CDH12: variants seen among roughly 807,000 people sequenced by gnomAD.
The protein encoded by CDH12 is cadherin-12.
Under a neutral mutation model 74.1 loss-of-function variants are expected in CDH12, and 41 were observed. The observed-to-expected ratio is 0.55, with a 90% CI of 0.43 to 0.72. CDH12 has a LOEUF of 0.72. Among genes scored for constraint, CDH12 ranks in the 30% least tolerant of loss-of-function variants. The pLI, the probability that CDH12 is intolerant of heterozygous loss-of-function variation, is 0.00. For synonymous variants in CDH12, 399 were observed against 355.0 expected, an observed-to-expected ratio of 1.12 and a Z score of -1.39; for missense variants, 945 against 977.2, an observed-to-expected ratio of 0.97 and a Z score of 0.44.
In CDH12 at chr5:21,883,533, G is replaced by A. The variant is rs553072982; in HGVS notation, c.527-28743C>T. On this transcript the variant is annotated intron_variant, in intron 6 of 14. Coordinates refer to ENST00000382254, the MANE Select transcript of CDH12 (RefSeq NM_004061.5). ...TGACAATAGAAAGAACCAACTTAAA[G>A]ATATGGCTATTGCTACTGGTGGTGC... 17 of 1,612,322 alleles carry A rather than the reference G, an allele frequency of 1.1e-5. No individual in the cohort carries two copies. In the African/African-American group the frequency reaches 1.9e-4, roughly 18 times the overall value.
chr5:22,625,068 C>T (rs894613782), intron 1 of CDH12, among the ~76,000 whole-genome samples: 5 of 152,058 alleles, frequency 3.3e-5, no homozygotes, highest in Non-Finnish European at 5.9e-5. Context: ...TGACAAAAAA[C>T]CAAACACCAC....
intron 5 of CDH12, among the ~76,000 whole-genome samples, chr5:21,978,276 G>A (rs1157381407): frequency 1.3e-5 from 2 of 152,186 alleles, no homozygotes; most frequent in South Asian, 4.1e-4. Flanking sequence ...AGAGTAGCTG[G>A]AACTACAAGG....
chr5:22,628,963 A>G (rs185785080), intron 1 of CDH12, among the ~76,000 whole-genome samples: 45 of 152,102 alleles, frequency 3.0e-4, no homozygotes, highest in East Asian at 2.9e-3. Context: ...CTCAGACACT[A>G]TCATGAAAAA....
chr5:22,171,637 G>C lies in CDH12; in HGVS notation c.-187+40861C>G, dbSNP rs1046441078. Among the ~76,000 whole-genome samples, 103 of 151,844 alleles carry C rather than the reference G, an allele frequency of 6.8e-4. 3 individuals are homozygous for C. Among genetic ancestry groups the C allele is most frequent in the Non-Finnish European group, 1.6e-4 (11 of 67,856 alleles). ...AATGATATATCCCCACTTTTTATAG[G>C]AAGGACACAGAAACATAAATGCCTT... On this transcript the variant is annotated intron_variant, in intron 4 of 14. Coordinates refer to ENST00000382254, the MANE Select transcript of CDH12 (RefSeq NM_004061.5).
intron 1 of CDH12, among the ~76,000 whole-genome samples, chr5:22,703,103 T>A (rs770371788): frequency 2.0e-5 from 3 of 152,162 alleles, no homozygotes; most frequent in Non-Finnish European, 2.9e-5. Flanking sequence ...TGACATTTAT[T>A]ACCATGTATC....
At chr5:22,196,987 T>C (rs1750654966) in intron 4 of CDH12, among the ~76,000 whole-genome samples, 1 of 152,148 alleles carries the variant, frequency 6.6e-6, no homozygotes, top group Non-Finnish European at 1.5e-5. Flanking sequence ...GATGAAACAA[T>C]CTGTACAGCA....
At chr5:22,739,704 A>C (rs1744923535) in intron 1 of CDH12, among the ~76,000 whole-genome samples, 1 of 152,020 alleles carries the variant, frequency 6.6e-6, no homozygotes, top group Non-Finnish European at 1.5e-5. Flanking sequence ...CCATTTAACC[A>C]TCACCCCTCC....
intron 1 of CDH12, among the ~76,000 whole-genome samples, chr5:22,652,488 T>C (rs1333147953): frequency 6.6e-6 from 1 of 152,162 alleles, no homozygotes; most frequent in African/African-American, 2.4e-5. Flanking sequence ...TCGATTCCAT[T>C]TGAACAACTT....
intron 4 of CDH12, among the ~76,000 whole-genome samples, chr5:22,185,676 G>C (rs1561199871): frequency 1.3e-5 from 2 of 152,200 alleles, no homozygotes; most frequent in Non-Finnish European, 2.9e-5. Context: ...AAGGGAAGAT[G>C]CTTCATGGGA....
chr5:22,597,092 C>T (rs924582721), intron 1 of CDH12, among the ~76,000 whole-genome samples: 9 of 151,950 alleles, frequency 5.9e-5, no homozygotes, highest in African/African-American at 9.7e-5. Flanking sequence ...TAACAGGCAC[C>T]TCTCTCTCCA....
At chr5:21,962,989 T>C (rs1257677189) in intron 6 of CDH12, among the ~76,000 whole-genome samples, 1 of 152,098 alleles carries the variant, frequency 6.6e-6, no homozygotes, top group Non-Finnish European at 1.5e-5. Flanking sequence ...CTGGCTTCTG[T>C]AGGCCTACCC....
intron 5 of CDH12, among the ~76,000 whole-genome samples, chr5:22,046,414 A>C (rs888646688): frequency 6.8e-6 from 1 of 146,148 alleles, no homozygotes; most frequent in Non-Finnish European, 1.5e-5. Flanking sequence ...TGAGAAAGTC[A>C]CTGGTCATTT....
At chr5:21,922,149 C>G (rs1002006563) in intron 6 of CDH12, among the ~76,000 whole-genome samples, 4 of 152,112 alleles carry the variant, frequency 2.6e-5, no homozygotes, top group Non-Finnish European at 5.9e-5. Flanking sequence ...AAATAGCTTA[C>G]ACAAATACTA....
intron 1 of CDH12, among the ~76,000 whole-genome samples, chr5:22,748,163 T>A (rs1465469482): frequency 6.6e-6 from 1 of 152,198 alleles, no homozygotes; most frequent in Non-Finnish European, 1.5e-5. Flanking sequence ...AAGTATTTTT[T>A]AAATGGAACA....
chr5:22,085,027 A>G (rs1742973368), intron 4 of CDH12, among the ~76,000 whole-genome samples: 1 of 152,210 alleles, frequency 6.6e-6, no homozygotes, highest in Non-Finnish European at 1.5e-5. Flanking sequence ...AGTAGGTTGT[A>G]TTCCATATAC....
intron 5 of CDH12, among the ~76,000 whole-genome samples, chr5:22,020,570 AG>A (rs1305318362): frequency 2.7e-5 from 4 of 147,398 alleles, no homozygotes; most frequent in Admixed American, 6.7e-5. Context: ...AAAAAAAAAA[AG>A]AAGTCCAACC....
chr5:22,666,294 TTTTTTTTG>T (rs1316797140), intron 1 of CDH12, among the ~76,000 whole-genome samples: 35 of 86,610 alleles, frequency 4.0e-4, no homozygotes, highest in South Asian at 2.9e-3. Context: ...TTTTTTTTTT[TTTTTTTTG>T]TTTTTGAGAC....
At chr5:22,151,648 G>T (rs1747592274) in intron 4 of CDH12, among the ~76,000 whole-genome samples, 1 of 152,052 alleles carries the variant, frequency 6.6e-6, no homozygotes, top group Non-Finnish European at 1.5e-5. Context: ...TAACTGCAAA[G>T]AAAATTATTT....
intron 2 of CDH12, among the ~76,000 whole-genome samples, chr5:22,428,308 A>G (rs966311674): frequency 6.6e-6 from 1 of 152,098 alleles, no homozygotes; most frequent in African/African-American, 2.4e-5. Context: ...GGAAACTCTC[A>G]ATCTCCATTA....
Sources: gnomAD v4.1 joint callset for allele counts (sites outside exome capture counted in the v4.1 genomes callset) on GRCh38, gnomAD v4.1.1 for gene constraint, MANE v1.5 for transcripts, NCBI Gene and HGNC (gene_info 2026-07-23, HGNC 2026-07-21) for gene names.